Variants in RAB11FIP4 observed in about 807,000 individuals in gnomAD.
RAB11FIP4 encodes rab11 family-interacting protein 4.
In RAB11FIP4, 23 loss-of-function variants were observed where a neutral mutation model predicts 74.3. That is an observed-to-expected ratio of 0.31 (90% CI 0.22 to 0.44). The LOEUF (loss-of-function observed/expected upper bound fraction) is 0.44. RAB11FIP4 is among the 20% of genes least tolerant of loss of function. The pLI, the probability that RAB11FIP4 is intolerant of heterozygous loss-of-function variation, is 1.00. For missense variants in RAB11FIP4, 630 were observed against 863.9 expected (o/e 0.73, Z 3.39); for synonymous variants, 360 against 359.9 (o/e 1.00, Z 0.00).
At chr17:31,433,382 A>G (rs2071327761) in intron 2 of RAB11FIP4, among the ~76,000 whole-genome samples, 1 of 152,248 alleles carries the variant, frequency 6.6e-6, no homozygotes, top group Non-Finnish European at 1.5e-5. Flanking sequence ...GAAGGGAACC[A>G]AATACACGGT....
chr17:31,472,394 G>A (rs535839650), intron 3 of RAB11FIP4, among the ~76,000 whole-genome samples: 4 of 152,256 alleles, frequency 2.6e-5, no homozygotes, highest in East Asian at 1.9e-4. Context: ...TGGGCCTTAC[G>A]CGCTGAGTCA....
At chr17:31,394,924 G>GGGGTGGC (rs2070913444) in intron 1 of RAB11FIP4, among the ~76,000 whole-genome samples, 1 of 148,204 alleles carries the variant, frequency 6.7e-6, no homozygotes, top group African/African-American at 2.5e-5. Context: ...TTCCAGCGGT[G>GGGGTGGC]GGGTGGCGGG....
intron 13 of RAB11FIP4, among the ~76,000 whole-genome samples, chr17:31,530,100 C>T (rs2072840343): frequency 6.6e-6 from 1 of 152,236 alleles, no homozygotes. Flanking sequence ...CCTCCACAAA[C>T]CCTGTGCACT....
chr17:31,455,258 G>A (rs895074860), intron 3 of RAB11FIP4, among the ~76,000 whole-genome samples: 1 of 152,162 alleles, frequency 6.6e-6, no homozygotes, highest in Non-Finnish European at 1.5e-5. Flanking sequence ...GGGCTCCTAA[G>A]GGCAGTATAT....
At chr17:31,420,318 C>A (rs546057017) in intron 1 of RAB11FIP4, among the ~76,000 whole-genome samples, 1 of 152,226 alleles carries the variant, frequency 6.6e-6, no homozygotes, top group African/African-American at 2.4e-5. Context: ...GCAGCCTTGA[C>A]CTCCCTGGCT....
At chr17:31,404,771 C>T (rs971597463) in intron 1 of RAB11FIP4, among the ~76,000 whole-genome samples, 4 of 152,034 alleles carry the variant, frequency 2.6e-5, no homozygotes, top group African/African-American at 9.7e-5. Flanking sequence ...GGGAAGGGTG[C>T]GGGCTTGTGC....
intron 1 of RAB11FIP4, among the ~76,000 whole-genome samples, chr17:31,400,067 TCCATTAACATC>T (rs2070970531): frequency 2.6e-5 from 4 of 151,718 alleles, no homozygotes; most frequent in African/African-American, 9.7e-5. Context: ...GCCATTTTAT[TCCATTAACATC>T]TTGGGTACCT....
chr17:31,521,947 T>G lies in RAB11FIP4; in HGVS notation c.791T>G (p.Val264Gly), dbSNP rs752881091. The G allele has an allele frequency of 3.7e-6, 6 of 1,614,172 alleles. No homozygotes were observed. Among genetic ancestry groups the G allele is most frequent in the Non-Finnish European group, 5.1e-6 (6 of 1,180,024 alleles). ...CAGACGCCTAGGAAAATGCGGCACG[T>G]GTACAACAGCGAATTGCTAGATGTT... The part of the protein sequence containing the change: ...AGQTPRKMRH[V>G]YNSELLDVYC... Residue 264 changes from valine to glycine, a missense_variant, in exon 6 of 15, where the codon GTG (valine) becomes GGG (glycine). By Grantham distance (109) the Val-to-Gly change is moderately radical (BLOSUM62 -3). Coordinates refer to ENST00000621161, the MANE Select transcript of RAB11FIP4 (RefSeq NM_032932.6).
intron 10 of RAB11FIP4, chr17:31,526,662 G>C: frequency 6.6e-6 from 1 of 152,374 alleles, no homozygotes; most frequent in Non-Finnish European, 1.5e-5. Context: ...AAACTGACCT[G>C]AGGCCGGGCA....
At chr17:31,424,438 TTTTC>T (rs1401724834) in intron 1 of RAB11FIP4, among the ~76,000 whole-genome samples, 1 of 152,042 alleles carries the variant, frequency 6.6e-6, no homozygotes, top group East Asian at 1.9e-4. Flanking sequence ...CAAAATTAAT[TTTTC>T]TTTCTTTTTT....
Position 31,414,490 on chromosome 17 carries a change from CA to C in RAB11FIP4, c.160-17320del, listed in dbSNP as rs541471113. Among the ~76,000 whole-genome samples the C allele has an allele frequency of 3.9e-3, 587 of 152,340 alleles. 2 individuals are homozygous for C. The highest frequency in any genetic ancestry group is 5.7e-3 in the Non-Finnish European group (386 of 68,028). On this transcript the variant is annotated intron_variant, in intron 1 of 14. Transcript: ENST00000621161. ...GTCACTTTCGCTCCTATTCAGACCC[CA>C]AACAAAGCCCTTGTGGGTGGCCGGA...
chr17:31,530,562 C>T (rs1346412573), intron 14 of RAB11FIP4, 93 bp downstream of exon 14: 2 of 1,492,614 alleles, frequency 1.3e-6, no homozygotes, highest in Non-Finnish European at 1.8e-6. Context: ...AAAACCAGAC[C>T]AGGGCCTGGC....
chr17:31,510,699 A>G (rs1040974746), intron 3 of RAB11FIP4, among the ~76,000 whole-genome samples: 2 of 152,212 alleles, frequency 1.3e-5, no homozygotes, highest in Non-Finnish European at 2.9e-5. Flanking sequence ...TTTGGAGGGC[A>G]GGCTCTGGAA....
intron 3 of RAB11FIP4, among the ~76,000 whole-genome samples, chr17:31,476,211 G>T (rs1307406341): frequency 1.9e-5 from 2 of 106,690 alleles, no homozygotes; most frequent in African/African-American, 3.8e-5. Flanking sequence ...TTGATACGGT[G>T]TCCTCCTCTG....
chr17:31,470,831 G>A (rs972467900), intron 3 of RAB11FIP4, among the ~76,000 whole-genome samples: 3 of 152,212 alleles, frequency 2.0e-5, no homozygotes, highest in African/African-American at 4.8e-5. Context: ...CCTGGCAGGA[G>A]GGCCTTGCCA....
chr17:31,483,192 C>CAAAAAAAAAAA, intron 3 of RAB11FIP4, among the ~76,000 whole-genome samples: 1 of 58,556 alleles, frequency 1.7e-5, no homozygotes, highest in Non-Finnish European at 3.0e-5. Flanking sequence ...GACTGCATCT[C>CAAAAAAAAAAA]AAAAAAAAAA....
At chr17:31,455,701 G>A (rs2071573062) in intron 3 of RAB11FIP4, among the ~76,000 whole-genome samples, 1 of 152,116 alleles carries the variant, frequency 6.6e-6, no homozygotes, top group Non-Finnish European at 1.5e-5. Context: ...CAAAACAACT[G>A]CCTTATCGAG....
chr17:31,412,988 C>T (rs1472583777), intron 1 of RAB11FIP4, among the ~76,000 whole-genome samples: 1 of 152,244 alleles, frequency 6.6e-6, no homozygotes, highest in Non-Finnish European at 1.5e-5. Context: ...CACTTGCCAT[C>T]TTGTGTTGTA....
At chr17:31,403,727 G>C (rs2071017502) in intron 1 of RAB11FIP4, among the ~76,000 whole-genome samples, 2 of 152,212 alleles carry the variant, frequency 1.3e-5, no homozygotes, top group African/African-American at 4.8e-5. Context: ...GCTGGGATTA[G>C]AACCCAGGTC....
Sources: allele counts gnomAD v4.1 joint callset (sites outside exome capture counted in the v4.1 genomes callset), GRCh38; gene constraint gnomAD v4.1.1; transcripts MANE v1.5; gene names NCBI Gene and HGNC (gene_info 2026-07-23, HGNC 2026-07-21).